HDAC8: variants seen among roughly 807,000 people sequenced by gnomAD.
The protein encoded by HDAC8 is histone deacetylase 8, also known as histone deacetylase-like 1.
HDAC8 carries 1 observed loss-of-function variant against 32.2 expected under a neutral mutation model. The observed-to-expected ratio is 0.03, with a 90% confidence interval of 0.01 to 0.15. The LOEUF (loss-of-function observed/expected upper bound fraction) is 0.15, where lower values mean the gene tolerates loss of function less well. HDAC8 is among the 10% of genes least tolerant of loss of function. The pLI is 1.00. For missense variants in HDAC8, 117 were observed against 300.0 expected (o/e 0.39, Z 4.51); for synonymous variants, 108 against 113.9 (o/e 0.95, Z 0.33).
chrX:72,381,541 C>T (rs1310008873), intron 9 of HDAC8, among the ~76,000 whole-genome samples: 1 of 111,923 alleles, frequency 8.9e-6, no homozygotes, highest in Non-Finnish European at 1.9e-5. Flanking sequence ...CTGGATTGCT[C>T]AAGCAGGCAT....
chrX:72,544,660 G>A lies in HDAC8; in HGVS notation c.437+23229C>T, dbSNP rs1556049120. On this transcript the variant is annotated intron_variant, in intron 4 of 10. Coordinates refer to ENST00000373573, the MANE Select transcript of HDAC8 (RefSeq NM_018486.3). ...GCCTGAAGTTGGTACTACTGTAATC[G>A]CTCTAATACCATCCAGCCCAGAGAT... is the stretch of plus-strand genomic sequence containing the variant. Among the ~76,000 whole-genome samples the A allele has an allele frequency of 3.6e-5, 4 of 111,573 alleles. No homozygotes were observed. The South Asian group carries it at 1.1e-3, about 32-fold the overall frequency.
chrX:72,539,449 C>T (rs1387508398), intron 4 of HDAC8, among the ~76,000 whole-genome samples: 2 of 107,119 alleles, frequency 1.9e-5, no homozygotes, highest in African/African-American at 6.8e-5. Context: ...ACCATGTTGG[C>T]CAGGATGGTC....
intron 9 of HDAC8, among the ~76,000 whole-genome samples, chrX:72,379,737 G>T (rs2045214437): frequency 9.0e-6 from 1 of 110,587 alleles, no homozygotes; most frequent in Non-Finnish European, 1.9e-5. Flanking sequence ...CCTGACCTCA[G>T]GTGATCCACC....
intron 4 of HDAC8, among the ~76,000 whole-genome samples, chrX:72,563,552 A>C (rs1433460810): frequency 8.9e-6 from 1 of 111,960 alleles, no homozygotes; most frequent in Non-Finnish European, 1.9e-5. Flanking sequence ...ATAAGTAAAT[A>C]ATAAATAAAT....
Position 72,445,019 on chromosome X carries a change from A to G in HDAC8, c.1005+16985T>C, listed in dbSNP as rs1237116549. ...CAAGGAGAACTACAAACCACTGCTC[A>G]ATGAAATAAAAGAGGATACAAACAA... is the stretch of plus-strand genomic sequence containing the variant. On this transcript the variant is annotated intron_variant, in intron 9 of 10. Coordinates refer to ENST00000373573, the MANE Select transcript of HDAC8 (RefSeq NM_018486.3). Among the ~76,000 whole-genome samples the G allele has an allele frequency of 1.9e-5, 2 of 106,261 alleles. 1 individual carries two copies. Among genetic ancestry groups the G allele is most frequent in the Non-Finnish European group, 3.9e-5 (2 of 51,354 alleles). The allele number at this position is 106,261 out of a possible 115,157, so 92.3% of individuals were successfully genotyped here. A position where few individuals can be genotyped will look rare whatever the true frequency, so the allele number is the denominator to read the frequency against.
intron 9 of HDAC8, among the ~76,000 whole-genome samples, chrX:72,375,517 T>A (rs1555957768): frequency 9.3e-6 from 1 of 107,241 alleles, no homozygotes; most frequent in Non-Finnish European, 1.9e-5. Context: ...TAAATCTCAG[T>A]CCTAGGGCAG....
intron 9 of HDAC8, among the ~76,000 whole-genome samples, chrX:72,448,890 C>G (rs1295766246): frequency 8.9e-6 from 1 of 112,230 alleles, no homozygotes; most frequent in Admixed American, 9.4e-5. Context: ...CCATCTCACA[C>G]CAGTTAGAAT....
intron 4 of HDAC8, among the ~76,000 whole-genome samples, chrX:72,498,360 T>C (rs1464063727): frequency 1.5e-4 from 17 of 111,609 alleles, no homozygotes; most frequent in Admixed American, 9.5e-5. Flanking sequence ...AGAAATTGTA[T>C]GCTGTATGGA....
At chrX:72,385,904 G>A (rs1165131445) in intron 9 of HDAC8, among the ~76,000 whole-genome samples, 1 of 112,001 alleles carries the variant, frequency 8.9e-6, no homozygotes, top group East Asian at 2.8e-4. Context: ...GCCTCTGCCA[G>A]GTCCACAGTG....
chrX:72,479,710 G>A (rs1556002174), intron 7 of HDAC8, among the ~76,000 whole-genome samples: 1 of 112,504 alleles, frequency 8.9e-6, no homozygotes, highest in Admixed American at 9.4e-5. Context: ...GGGCTACTTC[G>A]TGCAGTTCAG....
rs1555993276 is a variant in HDAC8 at position 72,464,760 on chromosome X, T to C, written c.738-29A>G. 4 of 1,110,155 alleles carry C rather than the reference T, an allele frequency of 3.6e-6. No homozygotes were observed. In the Admixed American group the frequency reaches 8.8e-5, roughly 24 times the overall value. 91.5% of individuals were successfully genotyped at this position (1,110,155 alleles called of 1,213,427 possible). A position where few individuals can be genotyped will look rare whatever the true frequency, so the allele number is the denominator to read the frequency against. On this transcript the variant is annotated intron_variant, in intron 7 of 10. Transcript: ENST00000373573. ...TATAAAATAGAAAGGATACAAAATA[T>C]AGGTCAGTTTGGTCTAGGGGTAGTG...
chrX:72,498,878 T>C (rs2049117717), intron 4 of HDAC8, among the ~76,000 whole-genome samples: 1 of 111,261 alleles, frequency 9.0e-6, no homozygotes. Context: ...GTGTTGGAGG[T>C]GGGGCCTAGT....
intron 9 of HDAC8, among the ~76,000 whole-genome samples, chrX:72,386,776 C>T (rs150562978): frequency 3.2e-3 from 354 of 111,538 alleles, no homozygotes; most frequent in Non-Finnish European, 5.2e-3. Context: ...TGGGTGTATC[C>T]GGCTTCAGGA....
intron 4 of HDAC8, among the ~76,000 whole-genome samples, chrX:72,556,101 C>T (rs2051274066): frequency 9.0e-6 from 1 of 111,701 alleles, no homozygotes; most frequent in Non-Finnish European, 1.9e-5. Flanking sequence ...TATTTTTAGC[C>T]TCCTTAAACA....
chrX:72,491,780 T>C (rs997402180), intron 5 of HDAC8, among the ~76,000 whole-genome samples: 3 of 111,742 alleles, frequency 2.7e-5, no homozygotes, highest in Non-Finnish European at 5.6e-5. Flanking sequence ...CGTATACAGG[T>C]AAACACACTG....
Position 72,442,350 on chromosome X carries a change from T to C in HDAC8, c.1005+19654A>G, listed in dbSNP as rs182168228. Among the ~76,000 whole-genome samples the C allele has an allele frequency of 9.0e-4, 101 of 111,741 alleles. 1 individual carries two copies. Among genetic ancestry groups the C allele is most frequent in the Middle Eastern group, 9.2e-3 (2 of 218 alleles). On this transcript the variant is annotated intron_variant, in intron 9 of 10. Coordinates refer to ENST00000373573, the MANE Select transcript of HDAC8 (RefSeq NM_018486.3). ...ACAGCGGATCTCTCGGCAGAAACTC[T>C]ACAAGCCAGAAGAGAGTAGGGGCCA...
chrX:72,439,353 A>G lies in HDAC8; in HGVS notation c.1005+22651T>C, dbSNP rs5958764. The stretch of plus-strand genomic sequence containing the variant: ...AGAAAAAACCAGTACCAGCCACTGC[A>G]AAAACATACCAAATTGTAAAGACCA... On this transcript the variant is annotated intron_variant, in intron 9 of 10. Coordinates refer to ENST00000373573, the MANE Select transcript of HDAC8 (RefSeq NM_018486.3). 4.9e-3 allele frequency among the ~76,000 whole-genome samples: 549 copies of G among 111,800 alleles called. 2 individuals are homozygous for G. Among genetic ancestry groups the G allele is most frequent in the African/African-American group, 0.017 (533 of 30,802 alleles).
intron 9 of HDAC8, among the ~76,000 whole-genome samples, chrX:72,361,567 A>G (rs376594622): frequency 2.3e-4 from 25 of 110,756 alleles, no homozygotes; most frequent in African/African-American, 7.5e-4. Flanking sequence ...ACACATATAT[A>G]TAGCCCATTT....
rs201298956 is a variant in HDAC8, at chrX:72,539,214, T to TTTTATTTATTTA, written c.437+28663_437+28674dup. Reference sequence around the variant, plus strand: ...TGGAAACTCTACACTATCTGTGCAATTTTATTTATTTATTTATTTATTTAT... The same window carrying TTTTATTTATTTA: ...TGGAAACTCTACACTATCTGTGCAATTTTATTTATTTATTTATTTATTTATTTATTTATTTAT... On this transcript the variant is annotated intron_variant, in intron 4 of 10. Transcript: ENST00000373573. Among the ~76,000 whole-genome samples the TTTTATTTATTTA allele has an allele frequency of 1.5e-4, 16 of 110,040 alleles. No homozygotes were observed. The East Asian group carries it at 1.5e-3, about 11-fold the overall frequency.
Sources: gnomAD v4.1 joint callset for allele counts (sites outside exome capture counted in the v4.1 genomes callset) on GRCh38, gnomAD v4.1.1 for gene constraint, MANE v1.5 for transcripts, NCBI Gene and HGNC (gene_info 2026-07-23, HGNC 2026-07-21) for gene names.